Variants in CTTNBP2NL observed in about 807,000 individuals in gnomAD.
CTTNBP2NL encodes CTTNBP2 N-terminal-like protein.
CTTNBP2NL carries 16 observed loss-of-function variants against 32.5 expected under a neutral mutation model. That is an observed-to-expected ratio of 0.49 (90% CI 0.33 to 0.75). CTTNBP2NL has a LOEUF of 0.75. CTTNBP2NL is among the 30% of genes least tolerant of loss of function. The probability of loss-of-function intolerance (pLI) is 0.02; values close to 1 mark genes in which losing one functional copy is unlikely to be tolerated. For missense variants in CTTNBP2NL, 645 were observed against 756.0 expected (o/e 0.85, Z 1.72); for synonymous variants, 298 against 289.4 (o/e 1.03, Z -0.30).
chr1:112,446,738 C>T (rs1290278062), intron 3 of CTTNBP2NL, among the ~76,000 whole-genome samples: 3 of 152,076 alleles, frequency 2.0e-5, no homozygotes, highest in African/African-American at 7.2e-5. Flanking sequence ...TTTGTAGAGA[C>T]AAGGTCTCCC....
At chr1:112,402,388 A>T (rs1023683378) in intron 1 of CTTNBP2NL, among the ~76,000 whole-genome samples, 1 of 152,202 alleles carries the variant, frequency 6.6e-6, no homozygotes, top group Non-Finnish European at 1.5e-5. Flanking sequence ...ATTGCACTCC[A>T]GGCTGGGCAA....
chr1:112,414,835 C>T (rs1221153447), intron 2 of CTTNBP2NL: 1 of 152,150 alleles, frequency 6.6e-6, no homozygotes, highest in Non-Finnish European at 1.5e-5. Flanking sequence ...TGCAGATTCT[C>T]AGAGAAATGT....
upstream of CTTNBP2NL, among the ~76,000 whole-genome samples, chr1:112,392,878 CAG>C (rs1570706086): frequency 6.6e-6 from 1 of 151,990 alleles, no homozygotes; most frequent in Non-Finnish European, 1.5e-5. Context: ...TTTTTTGAGA[CAG>C]AGTTTCGCTC....
Position 112,420,754 on chromosome 1 carries a change from A to G in CTTNBP2NL, c.99+4490A>G, listed in dbSNP as rs919482634. On this transcript the variant is annotated intron_variant, in intron 3 of 5. Transcript: ENST00000271277. ...AGTGCTGGGATTACAGGCATGAGCC[A>G]CCGTGCCAGCCTATTCCTGCTCTCT... is the stretch of plus-strand genomic sequence containing the variant. Among the ~76,000 whole-genome samples the G allele has an allele frequency of 3.3e-5, 5 of 152,242 alleles. No homozygotes were observed. The South Asian group carries it at 1.0e-3, about 32-fold the overall frequency.
At chr1:112,434,000 A>G (rs551027853) in intron 3 of CTTNBP2NL, among the ~76,000 whole-genome samples, 3 of 152,162 alleles carry the variant, frequency 2.0e-5, no homozygotes, top group Admixed American at 6.5e-5. Flanking sequence ...GGCCTCCCAA[A>G]GGCCACCATG....
upstream of CTTNBP2NL, among the ~76,000 whole-genome samples, chr1:112,393,663 T>C (rs900525987): frequency 2.6e-5 from 4 of 152,144 alleles, no homozygotes; most frequent in African/African-American, 9.7e-5. Flanking sequence ...TCCCTACTTC[T>C]AGGGGTGAAA....
Position 112,456,589 on chromosome 1 carries a change from A to G in CTTNBP2NL, c.1097A>G (p.Asn366Ser). 6.2e-7 allele frequency: 1 copy of G among 1,614,182 alleles called. No individual in the cohort carries two copies. The highest frequency in any genetic ancestry group is 8.5e-7 in the Non-Finnish European group (1 of 1,180,016). The change falls in exon 6 of 6, where the codon AAC becomes AGC. Residue 366 changes from asparagine (N) to serine (S), a missense_variant. By Grantham distance (46) the Asn-to-Ser change is conservative. Coordinates refer to ENST00000271277, the MANE Select transcript of CTTNBP2NL (RefSeq NM_018704.3). ...ACTACCAGGGAGCTGACTGCAGGCA[A>G]CAATGTAGAAAACCAGGTGCCTCCA... ...IQTTRELTAG[N>S]NVENQVPPRE...
chr1:112,406,774 A>G (rs533639883), intron 1 of CTTNBP2NL, among the ~76,000 whole-genome samples: 29 of 152,328 alleles, frequency 1.9e-4, no homozygotes, highest in African/African-American at 6.0e-4. Flanking sequence ...TAATTTCTCT[A>G]TTAAGCATAG....
intron 3 of CTTNBP2NL, among the ~76,000 whole-genome samples, chr1:112,423,771 T>C (rs534562802): frequency 1.2e-4 from 18 of 152,406 alleles, no homozygotes; most frequent in African/African-American, 4.3e-4. Context: ...TCGCCAAGGC[T>C]GGAGTGCAGT....
intron 1 of CTTNBP2NL, among the ~76,000 whole-genome samples, chr1:112,402,065 A>T (rs1057163708): frequency 2.0e-5 from 3 of 152,160 alleles, no homozygotes; most frequent in Non-Finnish European, 4.4e-5. Flanking sequence ...TCTTTGTGCA[A>T]AACTGCTGGG....
rs1294237184 is a variant in CTTNBP2NL at position 112,457,312 on chromosome 1, C to A, written c.1820C>A (p.Ala607Asp). The change falls in exon 6 of 6, where the codon GCC becomes GAC. Residue 607 changes from alanine (A) to aspartate (D), a missense_variant. Coordinates refer to ENST00000271277, the MANE Select transcript of CTTNBP2NL (RefSeq NM_018704.3). ...TPLTKTHSQA[A>D]SLTTAEDLAS... ...TTGACCAAAACTCATTCCCAGGCAG[C>A]CTCTTTGACCACTGCAGAAGACCTT... 2 of 1,614,096 alleles carry A rather than the reference C, an allele frequency of 1.2e-6. No individual in the cohort carries two copies. The highest frequency in any genetic ancestry group is 1.7e-6 in the Non-Finnish European group (2 of 1,180,046).
Position 112,459,041 on chromosome 1 carries a change from G to C in CTTNBP2NL, c.*1629G>C, listed in dbSNP as rs1179197200. On this transcript the variant is annotated 3_prime_UTR_variant, in exon 6 of 6. Coordinates refer to ENST00000271277, the MANE Select transcript of CTTNBP2NL (RefSeq NM_018704.3). ...GGATTACCAGTTCTTCACATTTTTT[G>C]AAATCCAAATTTTCATGAGAAACAT... 1.3e-5 allele frequency: 2 copies of C among 152,140 alleles called. 1 individual carries two copies. The highest frequency in any genetic ancestry group is 4.8e-5 in the African/African-American group (2 of 41,436). 9.4% of individuals were successfully genotyped at this position (152,140 alleles called of 1,614,324 possible).
rs555580467 is a variant in CTTNBP2NL at position 112,417,339 on chromosome 1, C to CT, written c.99+1076dup. ...TGTGGTGTGTTACTTTAAAAGATTA[C>CT]TATAATACTTCTAAGTGGATGTTGT... On this transcript the variant is annotated intron_variant, in intron 3 of 5. Transcript: ENST00000271277. Among the ~76,000 whole-genome samples the CT allele has an allele frequency of 3.0e-4, 45 of 152,296 alleles. 1 individual carries two copies. In the South Asian group the frequency reaches 8.7e-3, roughly 29 times the overall value.
At chr1:112,452,663 C>T (rs1225874383) in intron 4 of CTTNBP2NL, among the ~76,000 whole-genome samples, 6 of 130,962 alleles carry the variant, frequency 4.6e-5, no homozygotes, top group African/African-American at 2.1e-4. Context: ...TTTTTTGAGA[C>T]AAAGTCTCAC....
chr1:112,422,830 T>C (rs1649270808), intron 3 of CTTNBP2NL, among the ~76,000 whole-genome samples: 2 of 152,214 alleles, frequency 1.3e-5, no homozygotes, highest in African/African-American at 4.8e-5. Context: ...TCTCACTTTG[T>C]TGCCCAAGCT....
intron 3 of CTTNBP2NL, among the ~76,000 whole-genome samples, chr1:112,425,206 T>TA (rs1286263014): frequency 2.0e-5 from 3 of 151,990 alleles, no homozygotes; most frequent in Admixed American, 1.3e-4. Context: ...TGCGGTGGCT[T>TA]ACACCTGTAA....
intron 1 of CTTNBP2NL, among the ~76,000 whole-genome samples, chr1:112,400,157 CTTTTAGT>C (rs1453758282): frequency 6.6e-6 from 1 of 152,188 alleles, no homozygotes; most frequent in Non-Finnish European, 1.5e-5. Flanking sequence ...AATTTAAAGC[CTTTTAGT>C]GAGAAAATGG....
chr1:112,428,843 T>G (rs1472790050), intron 3 of CTTNBP2NL, among the ~76,000 whole-genome samples: 1 of 152,220 alleles, frequency 6.6e-6, no homozygotes, highest in East Asian at 1.9e-4. Context: ...ACTAATGAGC[T>G]GTGATCCAAA....
At chr1:112,412,712 G>T (rs1186790954) in intron 2 of CTTNBP2NL, among the ~76,000 whole-genome samples, 1 of 147,716 alleles carries the variant, frequency 6.8e-6, no homozygotes, top group African/African-American at 2.5e-5. Flanking sequence ...CACCTCCCAG[G>T]TTCAAGCGAT....
Sources: gnomAD v4.1 joint callset for allele counts (sites outside exome capture counted in the v4.1 genomes callset) on GRCh38, gnomAD v4.1.1 for gene constraint, MANE v1.5 for transcripts, NCBI Gene and HGNC (gene_info 2026-07-23, HGNC 2026-07-21) for gene names.